Variants in FICD observed in about 807,000 individuals in gnomAD.
FICD encodes the protein FIC domain protein adenylyltransferase.
A neutral mutation model predicts 28.0 loss-of-function variants in FICD; 13 were observed. The observed-to-expected ratio is 0.46, with a 90% CI of 0.30 to 0.74. The LOEUF is 0.74. Among genes scored for constraint, FICD ranks in the 30% least tolerant of loss-of-function variants. The probability of loss-of-function intolerance (pLI) is 0.07; values close to 1 mark genes in which losing one functional copy is unlikely to be tolerated. For missense variants in FICD, 576 were observed against 624.5 expected, an observed-to-expected ratio of 0.92 and a Z score of 0.83; for synonymous variants, 268 against 266.4, an observed-to-expected ratio of 1.01 and a Z score of -0.06.
In FICD at chr12:108,518,908, C is replaced by T; in HGVS notation, c.810C>T (p.Ala270=). 2 of 1,613,956 alleles carry T rather than the reference C, an allele frequency of 1.2e-6. No homozygotes were observed. Among genetic ancestry groups the T allele is most frequent in the South Asian group, 2.2e-5 (2 of 91,072 alleles). Residue 270 remains alanine (A), a synonymous_variant, in exon 3 of 3, where the codon GCC becomes GCT. Coordinates refer to ENST00000552695, the MANE Select transcript of FICD (RefSeq NM_007076.3). This position sits in a 1 kb window ranked among gnomAD's most constrained non-coding sequence, Gnocchi z 4.4. ...EQNEVIGMHA[A]MKYINTTLVS... Reference sequence around the variant, plus strand: ...ACGAGGTCATAGGCATGCATGCAGCCATGAAGTACATCAACACGACTCTGG... The same window carrying T: ...ACGAGGTCATAGGCATGCATGCAGCTATGAAGTACATCAACACGACTCTGG...
In FICD at chr12:108,518,230, G is replaced by A. The variant is rs576409557; in HGVS notation, c.302-170G>A. 1.4e-6 allele frequency: 1 copy of A among 707,924 alleles called. No homozygotes were observed. Among genetic ancestry groups the A allele is most frequent in the African/African-American group, 1.7e-5 (1 of 57,448 alleles). The allele number at this position is 707,924 out of a possible 1,614,324, so 43.9% of individuals were successfully genotyped here. ...ACCACACGGCTGGGGCAACAGAGTG[G>A]TACCGGGCATGTTGAGTACACACGA... On this transcript the variant is annotated intron_variant, in intron 2 of 2. Coordinates refer to ENST00000552695, the MANE Select transcript of FICD (RefSeq NM_007076.3). This position sits in a 1 kb window ranked among gnomAD's most constrained non-coding sequence, Gnocchi z 4.4.
In FICD at chr12:108,519,142, A is replaced by T; in HGVS notation, c.1044A>T (p.Pro348=). The change falls in exon 3 of 3, where the codon CCA becomes CCT. Residue 348 remains proline, a synonymous_variant. Transcript: ENST00000552695. The surrounding 1 kb of genome is among the most constrained non-coding windows in gnomAD (Gnocchi z 4.5). The part of the protein sequence containing the change: ...LNSEEAMNLH[P]VEFAALAHYK... ...CCGAGGAAGCCATGAACCTGCACCC[A>T]GTGGAGTTTGCAGCCTTAGCCCATT... The T allele has an allele frequency of 6.2e-7, 1 of 1,614,232 alleles. No homozygotes were observed. The highest frequency in any genetic ancestry group is 8.5e-7 in the Non-Finnish European group (1 of 1,180,028).
At position 108,517,357 on chromosome 12, in the gene FICD, C is replaced by T. The variant is rs751927216; in HGVS notation, c.301+84C>T. The T allele has an allele frequency of 2.1e-5, 25 of 1,186,806 alleles. No individual in the cohort carries two copies. The African/African-American group carries it at 2.2e-4, about 10-fold the overall frequency. 73.5% of individuals were successfully genotyped at this position (1,186,806 alleles called of 1,614,324 possible). A position where few individuals can be genotyped will look rare whatever the true frequency, so the allele number is the denominator to read the frequency against. ...GTGTCATGTCCTGTATGTGGGGCAT[C>T]GGGGTATTGTGAACAAGTCAGCCCT... On this transcript the variant is annotated intron_variant, in intron 2 of 2. Coordinates refer to ENST00000552695, the MANE Select transcript of FICD (RefSeq NM_007076.3).
chr12:108,520,019 C>T lies in FICD; in HGVS notation c.*544C>T, dbSNP rs888675970. The T allele has an allele frequency of 6.6e-6, 1 of 151,212 alleles. No individual in the cohort carries two copies. Among genetic ancestry groups the T allele is most frequent in the Non-Finnish European group, 1.5e-5 (1 of 67,988 alleles). 9.4% of individuals were successfully genotyped at this position (151,212 alleles called of 1,614,324 possible). A position where few individuals can be genotyped will look rare whatever the true frequency, so the allele number is the denominator to read the frequency against. On this transcript the variant is annotated 3_prime_UTR_variant, in exon 3 of 3. Transcript: ENST00000552695. ...ACTTCATAGAAGAGAAAATGAATGCCGACATTCCTTACTTACCTGCAGGAA... is the reference window on the plus strand; with the variant it reads ...ACTTCATAGAAGAGAAAATGAATGCTGACATTCCTTACTTACCTGCAGGAA...
rs772946526 is a variant in FICD at position 108,518,926 on chromosome 12, G to T, written c.828G>T (p.Thr276=). ...GMHAAMKYIN[T]TLVSRIGSVT... ...ATGCAGCCATGAAGTACATCAACAC[G>T]ACTCTGGTTTCGCGCATCGGCTCCG... is the stretch of plus-strand genomic sequence containing the variant. The change falls in exon 3 of 3, where the codon ACG becomes ACT. Residue 276 remains threonine, a synonymous_variant. Coordinates refer to ENST00000552695, the MANE Select transcript of FICD (RefSeq NM_007076.3). This position sits in a 1 kb window ranked among gnomAD's most constrained non-coding sequence, Gnocchi z 4.4. The T allele has an allele frequency of 2.8e-5, 45 of 1,614,058 alleles. No homozygotes were observed. The highest frequency in any genetic ancestry group is 3.7e-5 in the Non-Finnish European group (44 of 1,180,060).
chr12:108,517,056 G>A lies in FICD; in HGVS notation c.84G>A (p.Thr28=), dbSNP rs899391192. ...VSVWSRFLWV[T]LLSMVLGSLL... is the part of the protein sequence containing the mutation. ...TCTGGAGCCGCTTCCTCTGGGTGAC[G>A]CTGCTGAGCATGGTGCTGGGGTCCC... Residue 28 remains threonine (T), a synonymous_variant, in exon 2 of 3, where the codon ACG becomes ACA. Transcript: ENST00000552695. 6 of 1,597,336 alleles carry A rather than the reference G, an allele frequency of 3.8e-6. No individual in the cohort carries two copies. The highest frequency in any genetic ancestry group is 2.3e-5 in the East Asian group (1 of 44,338).
Position 108,519,589 on chromosome 12 carries a change from C to A in FICD, c.*114C>A. The stretch of plus-strand genomic sequence containing the variant: ...CAAAAGGAGAAACATTCTTTACCTC[C>A]AAATGTTTTAGTTTTAAAAAAAAAA... On this transcript the variant is annotated 3_prime_UTR_variant, in exon 3 of 3. Transcript: ENST00000552695. This position sits in a 1 kb window ranked among gnomAD's most constrained non-coding sequence, Gnocchi z 4.5. 6 of 556,722 alleles carry A rather than the reference C, an allele frequency of 1.1e-5. No individual in the cohort carries two copies. Among genetic ancestry groups the A allele is most frequent in the South Asian group, 5.9e-5 (2 of 33,790 alleles). The allele number at this position is 556,722 out of a possible 1,614,324, so 34.5% of individuals were successfully genotyped here. A position where few individuals can be genotyped will look rare whatever the true frequency, so the allele number is the denominator to read the frequency against.
rs1253313490 is a variant in FICD at position 108,515,371 on chromosome 12, G to C, written c.-59+10G>C. ...CTGACAGCTGCGCGCGGTGAGAAGG[G>C]GAAAAGCCCTAGGGGCTCGAGAGGA... On this transcript the variant is annotated intron_variant, in intron 1 of 2. Coordinates refer to ENST00000552695, the MANE Select transcript of FICD (RefSeq NM_007076.3). The C allele has an allele frequency of 6.6e-6, 1 of 152,316 alleles. No individual in the cohort carries two copies. The highest frequency in any genetic ancestry group is 1.5e-5 in the Non-Finnish European group (1 of 68,122). The allele number at this position is 152,316 out of a possible 1,614,324, so 9.4% of individuals were successfully genotyped here.
At position 108,521,199 on chromosome 12, in the gene FICD, T is replaced by C. The variant is rs1239210623; in HGVS notation, c.*1724T>C. On this transcript the variant is annotated 3_prime_UTR_variant, in exon 3 of 3. Coordinates refer to ENST00000552695, the MANE Select transcript of FICD (RefSeq NM_007076.3). ...AATTCCTGATTCTAATAAAGTTATT[T>C]TATTACATGAATGCTTGAGACTGTC... 2 of 152,210 alleles carry C rather than the reference T, an allele frequency of 1.3e-5. No individual in the cohort carries two copies. Among genetic ancestry groups the C allele is most frequent in the Admixed American group, 1.3e-4 (2 of 15,290 alleles). 9.4% of individuals were successfully genotyped at this position (152,210 alleles called of 1,614,324 possible).
Position 108,519,352 on chromosome 12 carries a change from C to T in FICD, c.1254C>T (p.Ile418=), listed in dbSNP as rs749274643. The part of the protein sequence containing the change: ...EGDVRPFIRF[I]AKCTETTLDT... ...ACGTGAGGCCTTTCATTCGCTTCAT[C>T]GCCAAGTGTACTGAGACCACCCTGG... The change falls in exon 3 of 3, where the codon ATC becomes ATT. Residue 418 remains isoleucine, a synonymous_variant. Transcript: ENST00000552695. This position sits in a 1 kb window ranked among gnomAD's most constrained non-coding sequence, Gnocchi z 4.5. 7.4e-6 allele frequency: 12 copies of T among 1,614,038 alleles called. No individual in the cohort carries two copies. Among genetic ancestry groups the T allele is most frequent in the South Asian group, 4.4e-5 (4 of 91,086 alleles).
Position 108,517,102 on chromosome 12 carries a change from C to T in FICD, c.130C>T (p.Leu44=). The T allele has an allele frequency of 1.2e-6, 2 of 1,610,456 alleles. No individual in the cohort carries two copies. The highest frequency in any genetic ancestry group is 8.5e-7 in the Non-Finnish European group (1 of 1,178,260). The change falls in exon 2 of 3, where the codon CTG becomes TTG. Residue 44 remains leucine, a synonymous_variant. Coordinates refer to ENST00000552695, the MANE Select transcript of FICD (RefSeq NM_007076.3). The part of the protein sequence containing the change: ...LGSLLALLLP[L]GAVEEQCLAV... ...GTCCCTGCTGGCCCTGCTGCTGCCG[C>T]TGGGGGCTGTGGAGGAGCAGTGCTT...
In FICD at chr12:108,518,912, A is replaced by G. The variant is rs1397419643; in HGVS notation, c.814A>G (p.Lys272Glu). 1 of 1,614,204 alleles carries G rather than the reference A, an allele frequency of 6.2e-7. No individual in the cohort carries two copies. Among genetic ancestry groups the G allele is most frequent in the East Asian group, 2.2e-5 (1 of 44,880 alleles). Residue 272 changes from lysine (K) to glutamate (E), a missense_variant, in exon 3 of 3, where the codon AAG (lysine) becomes GAG (glutamate). Coordinates refer to ENST00000552695, the MANE Select transcript of FICD (RefSeq NM_007076.3). This position sits in a 1 kb window ranked among gnomAD's most constrained non-coding sequence, Gnocchi z 4.4. ...GGTCATAGGCATGCATGCAGCCATG[A>G]AGTACATCAACACGACTCTGGTTTC... ...NEVIGMHAAM[K>E]YINTTLVSRI...
intron 1 of FICD, among the ~76,000 whole-genome samples, chr12:108,515,819 G>A (rs2136651383): frequency 6.6e-6 from 1 of 152,208 alleles, no homozygotes; most frequent in East Asian, 1.9e-4. Context: ...CACAGGCCCT[G>A]CTTAGTAATA....
chr12:108,519,302 G>A lies in FICD; in HGVS notation c.1204G>A (p.Val402Met), dbSNP rs544375082. 1.1e-5 allele frequency: 17 copies of A among 1,614,088 alleles called. No homozygotes were observed. The highest frequency in any genetic ancestry group is 4.5e-5 in the East Asian group (2 of 44,890). Residue 402 changes from valine to methionine, a missense_variant, in exon 3 of 3, where the codon GTG (valine) becomes ATG (methionine). Coordinates refer to ENST00000552695, the MANE Select transcript of FICD (RefSeq NM_007076.3). The surrounding 1 kb of genome is among the most constrained non-coding windows in gnomAD (Gnocchi z 4.5). ...RKEQRSDYYH[V>M]LEAANEGDVR... ...GGAGCAGCGGTCCGACTACTACCAC[G>A]TGTTGGAAGCTGCCAACGAGGGCGA...
intron 1 of FICD, among the ~76,000 whole-genome samples, chr12:108,515,934 C>T (rs1265724778): frequency 2.0e-5 from 3 of 152,250 alleles, no homozygotes; most frequent in East Asian, 3.8e-4. Context: ...CTTATGCTCT[C>T]TGTGTCTTGG....
chr12:108,518,910 TG>T lies in FICD; in HGVS notation c.813del (p.Met271IlefsTer74). The T allele has an allele frequency of 6.2e-7, 1 of 1,614,152 alleles. No homozygotes were observed. ...GAGGTCATAGGCATGCATGCAGCCA[TG>T]AAGTACATCAACACGACTCTGGTTT... ...QNEVIGMHAA[M>X]KYINTTLVSR... On this transcript the variant is annotated frameshift_variant, in exon 3 of 3. Coordinates refer to ENST00000552695, the MANE Select transcript of FICD (RefSeq NM_007076.3). LOFTEE classifies it high-confidence loss of function. This position sits in a 1 kb window ranked among gnomAD's most constrained non-coding sequence, Gnocchi z 4.4.
intron 1 of FICD, among the ~76,000 whole-genome samples, chr12:108,515,817 C>A (rs1871895288): frequency 6.6e-6 from 1 of 152,224 alleles, no homozygotes; most frequent in South Asian, 2.1e-4. Context: ...TGCACAGGCC[C>A]TGCTTAGTAA....
rs34567952 is a variant in FICD at position 108,517,005 on chromosome 12, G to A, written c.33G>A (p.Ala11=). ...TCATACCAATGGCTTCAGTGATGGC[G>A]GTGACTGAACCGAAATGGGTCTCGG... MMLIPMASVM[A]VTEPKWVSVW... The change falls in exon 2 of 3, where the codon GCG becomes GCA. Residue 11 remains alanine, a synonymous_variant. Transcript: ENST00000552695. The A allele has an allele frequency of 2.8e-5, 43 of 1,543,458 alleles. No individual in the cohort carries two copies. The highest frequency in any genetic ancestry group is 3.6e-5 in the South Asian group (3 of 82,294).
At chr12:108,516,879 G>A (rs995219692) in intron 1 of FICD, 36 bp from the exon 2 acceptor site, 25 of 1,063,626 alleles carry the variant, frequency 2.4e-5, no homozygotes, top group African/African-American at 1.1e-4. Context: ...TGTCCTGAAC[G>A]TGTCTGTTTC....
Sources: allele counts gnomAD v4.1 joint callset (sites outside exome capture counted in the v4.1 genomes callset), GRCh38; gene constraint gnomAD v4.1.1; non-coding constraint Gnocchi (gnomAD v3.1); transcripts MANE v1.5; gene names NCBI Gene and HGNC (gene_info 2026-07-23, HGNC 2026-07-21).